The following CAPN1 variants were observed in gnomAD, a reference collection of about 807,000 sequenced individuals.
The protein encoded by CAPN1 is calpain 1, also known as calpain-1 catalytic subunit.
CAPN1 carries 77 observed loss-of-function variants against 105.2 expected under a neutral mutation model. That is an observed-to-expected ratio of 0.73 (90% confidence interval 0.61 to 0.88). CAPN1 has a LOEUF of 0.88. Ranked by LOEUF, CAPN1 falls within the 40% of genes least tolerant of loss-of-function variation. The pLI is 0.00. For missense variants in CAPN1, 833 were observed against 976.6 expected, an observed-to-expected ratio of 0.85 and a Z score of 1.96; for synonymous variants, 355 against 388.8, an observed-to-expected ratio of 0.91 and a Z score of 1.02.
Position 65,209,329 on chromosome 11 carries a change from A to T in CAPN1, c.1736A>T (p.Asp579Val). Residue 579 changes from aspartate (D) to valine (V), a missense_variant, in exon 17 of 22, where the codon GAC (aspartate) becomes GTC (valine). Transcript: ENST00000279247. This position sits in a 1 kb window ranked among gnomAD's most constrained non-coding sequence, Gnocchi z 4.1. ...ILNRIISKHK[D>V]LRTKGFSLES... The stretch of plus-strand genomic sequence containing the variant: ...GAATTGGTTTTTCTTGCAGACAAAG[A>T]CCTGCGGACCAAGGGCTTCAGCCTA... The T allele has an allele frequency of 6.2e-7, 1 of 1,613,580 alleles. No homozygotes were observed. Among genetic ancestry groups the T allele is most frequent in the Non-Finnish European group, 8.5e-7 (1 of 1,179,666 alleles).
Position 65,210,245 on chromosome 11 carries a change from G to A in CAPN1, c.1943-91G>A. 1.7e-6 allele frequency: 2 copies of A among 1,153,204 alleles called. No individual in the cohort carries two copies. The highest frequency in any genetic ancestry group is 2.6e-6 in the Non-Finnish European group (2 of 779,178). 71.4% of individuals were successfully genotyped at this position (1,153,204 alleles called of 1,614,324 possible). A position where few individuals can be genotyped will look rare whatever the true frequency, so the allele number is the denominator to read the frequency against. ...CCCACGGTTACTAGCACCCTGCCTA[G>A]CCCCAGCCCCCTCCTGGGGACCCAA... On this transcript the variant is annotated intron_variant, in intron 19 of 21. Transcript: ENST00000279247. The surrounding 1 kb of genome is among the most constrained non-coding windows in gnomAD (Gnocchi z 4.3).
At position 65,206,516 on chromosome 11, in the gene CAPN1, G is replaced by T. The variant is rs745365536; in HGVS notation, c.1407G>T (p.Ala469=). The T allele has an allele frequency of 6.2e-7, 1 of 1,613,452 alleles. No homozygotes were observed. Among genetic ancestry groups the T allele is most frequent in the Non-Finnish European group, 8.5e-7 (1 of 1,179,884 alleles). The change falls in exon 13 of 22, where the codon GCG becomes GCT. Residue 469 remains alanine (A), a synonymous_variant. Coordinates refer to ENST00000279247, the MANE Select transcript of CAPN1 (RefSeq NM_005186.4). ...HLKRDFFLAN[A]SRARSEQFIN... is the part of the protein sequence containing the mutation. ...AGCGTGACTTCTTCCTGGCCAATGC[G>T]TCTCGGGCGCGCTCAGAGCAGTTCA...
chr11:65,204,763 G>A lies in CAPN1; in HGVS notation c.1246G>A (p.Gly416Ser). ...GGACGACTACGGGGACCGCGAGTCA[G>A]GCTGCAGCTTCGTGCTCGCCCTTAT... Reference protein sequence around the residue: ...DPDDYGDRESGCSFVLALMQK... With the variant: ...DPDDYGDRESSCSFVLALMQK... The change falls in exon 11 of 22, where the codon GGC becomes AGC. Residue 416 changes from glycine (G) to serine (S), a missense_variant. Physicochemically the swap from Gly to Ser is moderately conservative, Grantham distance 56. Transcript: ENST00000279247. The A allele has an allele frequency of 6.2e-7, 1 of 1,613,174 alleles. No individual in the cohort carries two copies. The highest frequency in any genetic ancestry group is 1.1e-5 in the South Asian group (1 of 91,090).
chr11:65,188,665 A>G lies in CAPN1; in HGVS notation c.1084A>G (p.Thr362Ala). 3 of 1,613,774 alleles carry G rather than the reference A, an allele frequency of 1.9e-6. No homozygotes were observed. Among genetic ancestry groups the G allele is most frequent in the Non-Finnish European group, 2.5e-6 (3 of 1,179,820 alleles). ...CACACCCGACGCCCTCAAGAGCCGG[A>G]CCATCCGCAAATGGAACACCACACT... Reference protein sequence around the residue: ...NLTPDALKSRTIRKWNTTLYE... With the variant: ...NLTPDALKSRAIRKWNTTLYE... The change falls in exon 10 of 22, where the codon ACC becomes GCC. Residue 362 changes from threonine to alanine, a missense_variant. Physicochemically the swap from Thr to Ala is moderately conservative, Grantham distance 58. Transcript: ENST00000279247. The surrounding 1 kb of genome is among the most constrained non-coding windows in gnomAD (Gnocchi z 5.5).
At chr11:65,181,629 TC>T, upstream of CAPN1, 3 of 337,598 alleles carry the variant, frequency 8.9e-6, no homozygotes, top group Admixed American at 3.7e-5. The surrounding 1 kb of genome is among the most constrained non-coding windows in gnomAD (Gnocchi z 4.6). Context: ...TGCCCGGCCC[TC>T]CCCCTCCGTT....
intron 6 of CAPN1, among the ~76,000 whole-genome samples, 184 bp from the exon 7 acceptor site, chr11:65,187,031 C>A (rs1374501132): frequency 6.6e-6 from 1 of 152,102 alleles, no homozygotes; most frequent in African/African-American, 2.4e-5. Flanking sequence ...CCCAGGCTAC[C>A]CCTCTCCAAA....
intron 10 of CAPN1, among the ~76,000 whole-genome samples, chr11:65,200,962 T>TTTTTTTA (rs1948860404): frequency 7.6e-6 from 1 of 131,800 alleles, no homozygotes; most frequent in African/African-American, 2.9e-5. Flanking sequence ...TTTTTTTTTT[T>TTTTTTTA]GAGACGGAGT....
chr11:65,210,322 C>T lies in CAPN1; in HGVS notation c.1943-14C>T, dbSNP rs1475821007. On this transcript the variant is annotated splice_polypyrimidine_tract_variant and intron_variant, in intron 19 of 21. Coordinates refer to ENST00000279247, the MANE Select transcript of CAPN1 (RefSeq NM_005186.4). This position sits in a 1 kb window ranked among gnomAD's most constrained non-coding sequence, Gnocchi z 4.3. ...GCTGCGCCTCACTGACCTTCACTCA[C>T]TCTCCTGGACCAGGCTTCAAGCTCA... is the stretch of plus-strand genomic sequence containing the variant. 3 of 1,586,310 alleles carry T rather than the reference C, an allele frequency of 1.9e-6. No individual in the cohort carries two copies. Among genetic ancestry groups the T allele is most frequent in the South Asian group, 1.1e-5 (1 of 89,696 alleles).
At position 65,208,270 on chromosome 11, in the gene CAPN1, C is replaced by T; in HGVS notation, c.1729+8C>T. 1.3e-6 allele frequency: 2 copies of T among 1,557,428 alleles called. No individual in the cohort carries two copies. Among genetic ancestry groups the T allele is most frequent in the Non-Finnish European group, 1.7e-6 (2 of 1,150,298 alleles). On this transcript the variant is annotated splice_region_variant and intron_variant, in intron 16 of 21. Coordinates refer to ENST00000279247, the MANE Select transcript of CAPN1 (RefSeq NM_005186.4). This position sits in a 1 kb window ranked among gnomAD's most constrained non-coding sequence, Gnocchi z 4.1. ...ATAGGATCATCAGCAAACGTGAGTC[C>T]CCGCGGGGCTGTCCCACCACCCCAC... is the stretch of plus-strand genomic sequence containing the variant.
At position 65,183,125 on chromosome 11, in the gene CAPN1, T is replaced by C. The variant is rs376674277; in HGVS notation, c.268-3T>C. ...GAGGAACAGGACTCTGGGTCTCTCG[T>C]AGGAACTGCTGTCAAACCCCCAGTT... On this transcript the variant is annotated splice_region_variant and splice_polypyrimidine_tract_variant and intron_variant, in intron 2 of 21. Coordinates refer to ENST00000279247, the MANE Select transcript of CAPN1 (RefSeq NM_005186.4). The C allele has an allele frequency of 2.5e-6, 4 of 1,613,688 alleles. No individual in the cohort carries two copies. Among genetic ancestry groups the C allele is most frequent in the African/African-American group, 1.3e-5 (1 of 74,868 alleles).
Position 65,208,863 on chromosome 11 carries a change from T to A in CAPN1, c.1730-460T>A. On this transcript the variant is annotated intron_variant, in intron 16 of 21. Transcript: ENST00000279247. This position sits in a 1 kb window ranked among gnomAD's most constrained non-coding sequence, Gnocchi z 4.1. ...AGCCTCCTGGGCCAGGCTGAGTGGC[T>A]TGGGGAACACCACGTGACTGGCTTC... 1 of 235,698 alleles carries A rather than the reference T, an allele frequency of 4.2e-6. No individual in the cohort carries two copies. The highest frequency in any genetic ancestry group is 8.5e-6 in the Non-Finnish European group (1 of 117,568). 14.6% of individuals were successfully genotyped at this position (235,698 alleles called of 1,614,324 possible).
Position 65,188,519 on chromosome 11 carries a change from C to G in CAPN1, c.1004+31C>G. 1 of 1,612,904 alleles carries G rather than the reference C, an allele frequency of 6.2e-7. No homozygotes were observed. The highest frequency in any genetic ancestry group is 1.7e-5 in the Admixed American group (1 of 59,914). ...CGCCCCCTCCCCTTCTACCCCACCT[C>G]TCCACCCCTACACATCAGCTCTGTG... On this transcript the variant is annotated intron_variant, in intron 9 of 21. Transcript: ENST00000279247. This position sits in a 1 kb window ranked among gnomAD's most constrained non-coding sequence, Gnocchi z 5.5.
intron 10 of CAPN1, 58 bp from the exon 11 acceptor site, chr11:65,204,625 G>A: frequency 1.3e-6 from 2 of 1,506,178 alleles, no homozygotes; most frequent in East Asian, 2.3e-5. Context: ...GGAGGCTTGG[G>A]GGCCAATTGG....
chr11:65,191,707 C>T (rs952883913), intron 10 of CAPN1, among the ~76,000 whole-genome samples: 1 of 152,172 alleles, frequency 6.6e-6, no homozygotes, highest in Non-Finnish European at 1.5e-5. Flanking sequence ...AATATAGCAT[C>T]TGCAAATAAT....
At position 65,206,481 on chromosome 11, in the gene CAPN1, G is replaced by A. The variant is rs564548073; in HGVS notation, c.1372G>A (p.Val458Ile). The change falls in exon 13 of 22, where the codon GTA becomes ATA. Residue 458 changes from valine (V) to isoleucine (I), a missense_variant. Coordinates refer to ENST00000279247, the MANE Select transcript of CAPN1 (RefSeq NM_005186.4). ...VPPELVGQPA[V>I]HLKRDFFLAN... is the part of the protein sequence containing the mutation. ...CCACCAGCTGGTGGGCCAGCCGGCC[G>A]TACACTTGAAGCGTGACTTCTTCCT... is the stretch of plus-strand genomic sequence containing the variant. 4.1e-5 allele frequency: 66 copies of A among 1,613,092 alleles called. No homozygotes were observed. The South Asian group carries it at 4.3e-4, about 10-fold the overall frequency.
intron 10 of CAPN1, among the ~76,000 whole-genome samples, chr11:65,197,909 AGAC>A (rs146621836): frequency 1.3e-5 from 2 of 149,868 alleles, no homozygotes; most frequent in Non-Finnish European, 3.0e-5. Context: ...AAAAAAAAAA[AGAC>A]AAAGGAATAT....
intron 10 of CAPN1, among the ~76,000 whole-genome samples, chr11:65,199,145 T>C (rs1948832604): frequency 6.6e-6 from 1 of 152,176 alleles, no homozygotes; most frequent in Non-Finnish European, 1.5e-5. Context: ...CTTTTTGTAT[T>C]TGTATTTTTA....
At chr11:65,194,105 G>A (rs972867338) in intron 10 of CAPN1, among the ~76,000 whole-genome samples, 5 of 151,608 alleles carry the variant, frequency 3.3e-5, no homozygotes, top group African/African-American at 1.2e-4. Flanking sequence ...GGAATTACAG[G>A]CATGCGCCAC....
rs56363496 is a variant in CAPN1 at position 65,204,278 on chromosome 11, C to G, written c.1166-405C>G. Among the ~76,000 whole-genome samples, 311 of 152,302 alleles carry G rather than the reference C, an allele frequency of 2.0e-3. 1 individual carries two copies. The highest frequency in any genetic ancestry group is 0.01 in the Middle Eastern group (3 of 294). On this transcript the variant is annotated intron_variant, in intron 10 of 21. Coordinates refer to ENST00000279247, the MANE Select transcript of CAPN1 (RefSeq NM_005186.4). ...CCTGGGTCTCCGTGTTTCCTAGAGC[C>G]TCCGTAAGTGCTCCCTGTCCGCAGA...
Sources: gnomAD v4.1 joint callset for allele counts (sites outside exome capture counted in the v4.1 genomes callset) on GRCh38, gnomAD v4.1.1 for gene constraint, Gnocchi (gnomAD v3.1) non-coding constraint, MANE v1.5 for transcripts, NCBI Gene and HGNC (gene_info 2026-07-23, HGNC 2026-07-21) for gene names.